RPS6KB1: variants seen among roughly 807,000 people sequenced by gnomAD.
RPS6KB1 encodes ribosomal protein S6 kinase beta-1.
A neutral mutation model predicts 70.2 loss-of-function variants in RPS6KB1; 12 were observed. That is an observed-to-expected ratio of 0.17 (90% CI 0.11 to 0.28). The LOEUF (loss-of-function observed/expected upper bound fraction) is 0.28. RPS6KB1 is among the 10% of genes least tolerant of loss of function. The probability of loss-of-function intolerance (pLI) is 1.00; values close to 1 mark genes in which losing one functional copy is unlikely to be tolerated. For synonymous variants in RPS6KB1, 175 were observed against 211.2 expected (o/e 0.83, Z 1.49); for missense variants, 270 against 646.6 (o/e 0.42, Z 6.32).
rs1598855375 is a variant in RPS6KB1, at chr17:59,949,314, T to C, written c.*2526T>C. ...ACCTATGCAATATGGCTTATCTATA[T>C]TTATTTGTAAAAATCCAAGCATAGT... On this transcript the variant is annotated 3_prime_UTR_variant, in exon 15 of 15. Coordinates refer to ENST00000225577, the MANE Select transcript of RPS6KB1 (RefSeq NM_003161.4). The C allele has an allele frequency of 6.6e-6, 1 of 152,626 alleles. No homozygotes were observed. The highest frequency in any genetic ancestry group is 6.5e-5 in the Admixed American group (1 of 15,272). 9.5% of individuals were successfully genotyped at this position (152,626 alleles called of 1,614,324 possible).
chr17:59,932,824 A>T (rs1445553363), intron 7 of RPS6KB1, among the ~76,000 whole-genome samples: 1 of 152,202 alleles, frequency 6.6e-6, no homozygotes, highest in Admixed American at 6.5e-5. Flanking sequence ...AATTGCTGGG[A>T]TTACAGGCAT....
chr17:59,933,074 A>T (rs2044027886), intron 7 of RPS6KB1, among the ~76,000 whole-genome samples: 1 of 152,094 alleles, frequency 6.6e-6, no homozygotes, highest in South Asian at 2.1e-4. Context: ...AGAAGGTGGT[A>T]GCAGCTGCTA....
chr17:59,929,426 C>T (rs2043812168), intron 5 of RPS6KB1, among the ~76,000 whole-genome samples: 2 of 152,236 alleles, frequency 1.3e-5, no homozygotes, highest in South Asian at 4.1e-4. Flanking sequence ...TCCATTGAAT[C>T]TTGCCTGCAA....
chr17:59,903,458 G>C (rs946584760), intron 1 of RPS6KB1, among the ~76,000 whole-genome samples: 16 of 152,128 alleles, frequency 1.1e-4, no homozygotes, highest in Non-Finnish European at 1.9e-4. Context: ...CTGGGTGATA[G>C]AGTGACACCC....
At chr17:59,926,353 C>G (rs539779871) in intron 4 of RPS6KB1, 82 bp from the exon 5 acceptor site, 1 of 1,110,766 alleles carries the variant, frequency 9.0e-7, no homozygotes, top group Non-Finnish European at 1.3e-6. Context: ...AGGAAAAACA[C>G]AAAATAGATT....
intron 1 of RPS6KB1, among the ~76,000 whole-genome samples, chr17:59,896,970 T>A (rs1340685458): frequency 4.6e-5 from 7 of 152,174 alleles, no homozygotes; most frequent in Admixed American, 4.6e-4. Flanking sequence ...TTAGAAAATC[T>A]TCTGATAGTT....
At position 59,893,769 on chromosome 17, in the gene RPS6KB1, C is replaced by T. The variant is rs1375493825; in HGVS notation, c.141+444C>T. On this transcript the variant is annotated intron_variant, in intron 1 of 14. Coordinates refer to ENST00000225577, the MANE Select transcript of RPS6KB1 (RefSeq NM_003161.4). This position sits in a 1 kb window ranked among gnomAD's most constrained non-coding sequence, Gnocchi z 4.1. ...CTTCAGACCTCCCACAACCACCTCT[C>T]TTCTCGGCCTGTCGCTTCTCTCCTA... The T allele has an allele frequency of 3.0e-6, 3 of 991,368 alleles. No homozygotes were observed. In the African/African-American group the frequency reaches 5.2e-5, roughly 17 times the overall value. The allele number at this position is 991,368 out of a possible 1,614,324, so 61.4% of individuals were successfully genotyped here. A position where few individuals can be genotyped will look rare whatever the true frequency, so the allele number is the denominator to read the frequency against.
At chr17:59,925,935 C>T (rs1265314921) in intron 4 of RPS6KB1, among the ~76,000 whole-genome samples, 8 of 152,046 alleles carry the variant, frequency 5.3e-5, no homozygotes, top group African/African-American at 1.4e-4. Flanking sequence ...CATGAGCCAC[C>T]ACGTCCAGGC....
At chr17:59,929,142 T>C (rs569538866) in intron 5 of RPS6KB1, among the ~76,000 whole-genome samples, 6 of 152,110 alleles carry the variant, frequency 3.9e-5, no homozygotes, top group Admixed American at 3.3e-4. Flanking sequence ...TTGTTTTTTT[T>C]TTTTTTGAGA....
At chr17:59,911,232 A>G (rs2042613412) in intron 2 of RPS6KB1, among the ~76,000 whole-genome samples, 1 of 152,266 alleles carries the variant, frequency 6.6e-6, no homozygotes, top group Admixed American at 6.5e-5. Flanking sequence ...TTAGGTGAGT[A>G]TGGTGATTAA....
chr17:59,936,600 C>T (rs1359358076), intron 12 of RPS6KB1, 59 bp downstream of exon 12: 20 of 1,353,366 alleles, frequency 1.5e-5, no homozygotes, highest in Non-Finnish European at 2.1e-5. Flanking sequence ...AATCCCCAAA[C>T]TTTAAAGGGC....
chr17:59,935,517 C>G (rs1210386767), intron 10 of RPS6KB1, among the ~76,000 whole-genome samples: 1 of 151,856 alleles, frequency 6.6e-6, no homozygotes, highest in Non-Finnish European at 1.5e-5. Context: ...CCCTGTCACC[C>G]AGGCTAGAGT....
intron 4 of RPS6KB1, among the ~76,000 whole-genome samples, chr17:59,921,448 T>A (rs1185055239): frequency 6.6e-6 from 1 of 152,174 alleles, no homozygotes; most frequent in African/African-American, 2.4e-5. Flanking sequence ...GACTATAGGC[T>A]CCCTTTGAGT....
intron 1 of RPS6KB1, among the ~76,000 whole-genome samples, chr17:59,904,724 T>G (rs1598663137): frequency 2.5e-5 from 3 of 119,442 alleles, no homozygotes; most frequent in Non-Finnish European, 1.7e-5. Context: ...TGAGGTGGAG[T>G]CTCGCTCTGT....
intron 4 of RPS6KB1, among the ~76,000 whole-genome samples, 175 bp from the exon 5 acceptor site, chr17:59,926,260 A>G (rs1160855607): frequency 6.6e-6 from 1 of 152,220 alleles, no homozygotes; most frequent in Non-Finnish European, 1.5e-5. Flanking sequence ...TCCAAACTGC[A>G]CAGAGGCATA....
intron 4 of RPS6KB1, among the ~76,000 whole-genome samples, chr17:59,924,541 T>C (rs1049895793): frequency 2.1e-4 from 32 of 152,096 alleles, no homozygotes; most frequent in Non-Finnish European, 4.6e-4. Context: ...TACAGTAATA[T>C]TTGATTTAGG....
intron 6 of RPS6KB1, 137 bp from the exon 7 acceptor site, chr17:59,931,485 T>C (rs2043921264): frequency 1.5e-6 from 1 of 648,402 alleles, no homozygotes; most frequent in Non-Finnish European, 2.8e-6. Context: ...GCCATCTCTT[T>C]TTCCAATACA....
chr17:59,920,166 C>T (rs1148559), intron 4 of RPS6KB1, among the ~76,000 whole-genome samples: 28,882 of 151,612 alleles, frequency 0.19, 2,950 homozygotes, highest in East Asian at 0.39. Context: ...TACAGGTGCC[C>T]GCCACCACAC....
chr17:59,909,768 C>T (rs544420317), intron 1 of RPS6KB1, among the ~76,000 whole-genome samples: 2 of 152,042 alleles, frequency 1.3e-5, no homozygotes, highest in South Asian at 4.2e-4. Flanking sequence ...AATCCCAGCA[C>T]TTTGGGAGGC....
Sources: allele counts gnomAD v4.1 joint callset (sites outside exome capture counted in the v4.1 genomes callset), GRCh38; gene constraint gnomAD v4.1.1; non-coding constraint Gnocchi (gnomAD v3.1); transcripts MANE v1.5; gene names NCBI Gene and HGNC (gene_info 2026-07-23, HGNC 2026-07-21).